The following BCL2 variants were observed in gnomAD, a reference collection of about 807,000 sequenced individuals.
BCL2 encodes the protein BCL2 apoptosis regulator.
A neutral mutation model predicts 14.2 loss-of-function variants in BCL2; 1 was observed. The ratio of observed to expected loss-of-function variants is 0.07; its 90% CI spans 0.02 to 0.33. The LOEUF is 0.33. Among genes scored for constraint, BCL2 ranks in the 10% least tolerant of loss-of-function variants. The pLI is 0.99. For synonymous variants in BCL2, 151 were observed against 137.2 expected (o/e 1.10, Z -0.70); for missense variants, 247 against 305.9 (o/e 0.81, Z 1.44).
chr18:63,252,261 A>C (rs984837522), intron 2 of BCL2, among the ~76,000 whole-genome samples: 20 of 152,238 alleles, frequency 1.3e-4, no homozygotes, highest in Non-Finnish European at 2.4e-4. Flanking sequence ...CATTCGTGTC[A>C]CATCTTACTG....
chr18:63,172,883 C>T (rs1214685670), intron 2 of BCL2, among the ~76,000 whole-genome samples: 1 of 152,230 alleles, frequency 6.6e-6, no homozygotes, highest in Non-Finnish European at 1.5e-5. Context: ...GCAGAAAAGT[C>T]ATGATGCACC....
At chr18:63,225,117 G>A (rs1300718424) in intron 2 of BCL2, among the ~76,000 whole-genome samples, 1 of 152,020 alleles carries the variant, frequency 6.6e-6, no homozygotes, top group African/African-American at 2.4e-5. Context: ...GCCTATGGAA[G>A]ATAGAGGAAA....
At chr18:63,223,140 G>A (rs554175161) in intron 2 of BCL2, among the ~76,000 whole-genome samples, 1 of 152,010 alleles carries the variant, frequency 6.6e-6, no homozygotes, top group Non-Finnish European at 1.5e-5. Context: ...GGTGGCTCAC[G>A]CCTGTAATCC....
At chr18:63,215,278 T>A (rs1411284409) in intron 2 of BCL2, among the ~76,000 whole-genome samples, 1 of 152,214 alleles carries the variant, frequency 6.6e-6, no homozygotes, top group Non-Finnish European at 1.5e-5. Context: ...AAATGTCTAT[T>A]CCAATCTAAA....
At chr18:63,162,097 C>A (rs111886309) in intron 2 of BCL2, among the ~76,000 whole-genome samples, 4 of 152,078 alleles carry the variant, frequency 2.6e-5, no homozygotes, top group Non-Finnish European at 5.9e-5. Context: ...CTGCCCGCTC[C>A]GCACTCAAAT....
Position 63,253,844 on chromosome 18 carries a change from A to AAAAG in BCL2, c.585+64234_585+64237dup, listed in dbSNP as rs534621274. On this transcript the variant is annotated intron_variant, in intron 2 of 2. Coordinates refer to ENST00000333681, the MANE Select transcript of BCL2 (RefSeq NM_000633.3). ...CTATGAGAGCTAACCAGAAAAAAAAAAAAGAAAGAAAGAAAGAAAGAAACT... is the reference window on the plus strand; with the variant it reads ...CTATGAGAGCTAACCAGAAAAAAAAAAAAGAAAGAAAGAAAGAAAGAAAGAAACT... Among the ~76,000 whole-genome samples the AAAAG allele has an allele frequency of 6.9e-3, 1,047 of 151,432 alleles. 12 individuals carry two copies. Among genetic ancestry groups the AAAAG allele is most frequent in the African/African-American group, 0.022 (917 of 41,336 alleles).
chr18:63,161,252 C>A (rs976408685), intron 2 of BCL2, among the ~76,000 whole-genome samples: 50 of 152,138 alleles, frequency 3.3e-4, no homozygotes, highest in African/African-American at 1.2e-3. Context: ...TGAAATCCCC[C>A]CCTTGGACCA....
intron 2 of BCL2, among the ~76,000 whole-genome samples, chr18:63,272,412 T>A (rs1240882622): frequency 6.6e-6 from 1 of 152,192 alleles, no homozygotes; most frequent in Admixed American, 6.5e-5. Flanking sequence ...TTAACCTACA[T>A]AGAGCATTTT....
intron 2 of BCL2, among the ~76,000 whole-genome samples, chr18:63,257,898 G>A (rs1381214651): frequency 6.9e-5 from 2 of 28,898 alleles, no homozygotes; most frequent in Non-Finnish European, 2.3e-4. Flanking sequence ...ACTATAAAAG[G>A]AAGGCAATAA....
At chr18:63,180,506 G>A (rs111347352) in intron 2 of BCL2, among the ~76,000 whole-genome samples, 87 of 148,952 alleles carry the variant, frequency 5.8e-4, no homozygotes, top group African/African-American at 2.1e-3. Context: ...GAAGCTGTCC[G>A]CCCACCCCAC....
chr18:63,189,986 A>G (rs1042839002), intron 2 of BCL2, among the ~76,000 whole-genome samples: 1 of 152,142 alleles, frequency 6.6e-6, no homozygotes, highest in Non-Finnish European at 1.5e-5. Flanking sequence ...AGAATGTTGA[A>G]CTAACCAGAA....
chr18:63,282,126 C>T (rs1233777132), intron 2 of BCL2, among the ~76,000 whole-genome samples: 1 of 152,150 alleles, frequency 6.6e-6, no homozygotes, highest in Non-Finnish European at 1.5e-5. Flanking sequence ...GAGCTTAATG[C>T]TGATCAGGTA....
intron 2 of BCL2, among the ~76,000 whole-genome samples, chr18:63,310,621 A>C (rs1425695679): frequency 6.6e-6 from 1 of 152,160 alleles, no homozygotes; most frequent in Non-Finnish European, 1.5e-5. Flanking sequence ...TAAAACACCT[A>C]GCATAGAGCT....
At chr18:63,199,757 A>G (rs921647224) in intron 2 of BCL2, among the ~76,000 whole-genome samples, 1 of 152,210 alleles carries the variant, frequency 6.6e-6, no homozygotes, top group Non-Finnish European at 1.5e-5. Context: ...ACACAGACAT[A>G]AACACACAGA....
chr18:63,182,811 C>T (rs780079937), intron 2 of BCL2, among the ~76,000 whole-genome samples: 5 of 151,638 alleles, frequency 3.3e-5, no homozygotes, highest in Non-Finnish European at 4.4e-5. Context: ...ATTTTACAGA[C>T]GGTAAATAAA....
intron 2 of BCL2, among the ~76,000 whole-genome samples, chr18:63,313,345 T>A (rs956447389): frequency 3.3e-5 from 5 of 152,166 alleles, no homozygotes; most frequent in African/African-American, 1.2e-4. Context: ...CATCAAACAT[T>A]AAGGTTGATT....
chr18:63,210,704 A>G (rs952021826), intron 2 of BCL2, among the ~76,000 whole-genome samples: 1 of 152,198 alleles, frequency 6.6e-6, no homozygotes, highest in Admixed American at 6.5e-5. Context: ...CTAGCCCATA[A>G]GCCTTCTGCT....
In BCL2 at chr18:63,194,459, C is replaced by T. The variant is rs576525471; in HGVS notation, c.586-65700G>A. Among the ~76,000 whole-genome samples the T allele has an allele frequency of 2.6e-5, 4 of 151,934 alleles. No individual in the cohort carries two copies. In the South Asian group the frequency reaches 6.2e-4, roughly 24 times the overall value. ...AAGCAATTCTCCTGCCTCAGTCTCC[C>T]TAGTAGCTGGGATTACAGGCGTGCG... On this transcript the variant is annotated intron_variant, in intron 2 of 2. Transcript: ENST00000333681.
intron 2 of BCL2, among the ~76,000 whole-genome samples, chr18:63,291,425 C>T (rs944644544): frequency 1.3e-5 from 2 of 152,194 alleles, no homozygotes; most frequent in East Asian, 1.9e-4. Context: ...TTGATGGGAA[C>T]GTGACCTAGT....
Sources: allele counts gnomAD v4.1 joint callset (sites outside exome capture counted in the v4.1 genomes callset), GRCh38; gene constraint gnomAD v4.1.1; transcripts MANE v1.5; gene names NCBI Gene and HGNC (gene_info 2026-07-23, HGNC 2026-07-21).